Variants in SKAP1 observed in about 807,000 individuals in gnomAD.
SKAP1 encodes src kinase associated phosphoprotein 1.
In SKAP1, 44 loss-of-function variants were observed where a neutral mutation model predicts 58.5. The ratio of observed to expected loss-of-function variants is 0.75; its 90% confidence interval spans 0.59 to 0.97. SKAP1 has a LOEUF of 0.97. Ranked by LOEUF, SKAP1 falls within the 50% of genes least tolerant of loss-of-function variation. SKAP1 has a pLI of 0.00. For synonymous variants in SKAP1, 127 were observed against 149.7 expected (o/e 0.85, Z 1.11); for missense variants, 390 against 435.2 (o/e 0.90, Z 0.92).
chr17:48,318,882 C>T (rs1452694854), intron 4 of SKAP1, among the ~76,000 whole-genome samples: 5 of 152,096 alleles, frequency 3.3e-5, no homozygotes, highest in Non-Finnish European at 5.9e-5. Context: ...ACAATATTTG[C>T]TTTCTTAAAA....
intron 4 of SKAP1, among the ~76,000 whole-genome samples, chr17:48,247,222 C>T (rs16954324): frequency 0.084 from 12,833 of 152,202 alleles, 703 homozygotes; most frequent in East Asian, 0.18. Flanking sequence ...GAGACCAAAC[C>T]CTGCCTTCCT....
chr17:48,297,494 A>G (rs772051026), intron 4 of SKAP1, among the ~76,000 whole-genome samples: 3 of 152,248 alleles, frequency 2.0e-5, no homozygotes, highest in Non-Finnish European at 4.4e-5. Context: ...AGATAGTACA[A>G]AACTTCTAAA....
rs565367522 is a variant in SKAP1, at chr17:48,380,576, G to A, written c.152+16104C>T. Among the ~76,000 whole-genome samples, 5 of 152,278 alleles carry A rather than the reference G, an allele frequency of 3.3e-5. No homozygotes were observed. In the East Asian group the frequency reaches 7.7e-4, roughly 23 times the overall value. On this transcript the variant is annotated intron_variant, in intron 2 of 12. Coordinates refer to ENST00000336915, the MANE Select transcript of SKAP1 (RefSeq NM_003726.4). Reference sequence around the variant, plus strand: ...GTGAATTAGCATCTCCAGGGTAGGGGCCTAGAAATCTATATATTTTAACAA... The same window carrying A: ...GTGAATTAGCATCTCCAGGGTAGGGACCTAGAAATCTATATATTTTAACAA...
chr17:48,146,103 A>G (rs1290616795), intron 11 of SKAP1, among the ~76,000 whole-genome samples: 1 of 152,132 alleles, frequency 6.6e-6, no homozygotes, highest in Non-Finnish European at 1.5e-5. Flanking sequence ...CTCTATGGGA[A>G]AAAAATACAA....
At chr17:48,324,065 AC>A (rs778522874) in intron 4 of SKAP1, among the ~76,000 whole-genome samples, 11 of 152,088 alleles carry the variant, frequency 7.2e-5, no homozygotes, top group Non-Finnish European at 1.6e-4. Context: ...ACAACCAATG[AC>A]CTTTCATTTT....
intron 10 of SKAP1, among the ~76,000 whole-genome samples, chr17:48,163,596 G>T (rs2064098546): frequency 1.3e-5 from 2 of 152,156 alleles, no homozygotes; most frequent in Admixed American, 6.5e-5. Context: ...ATAGATGGGA[G>T]TCAGGAGTCC....
rs1393545166 is a variant in SKAP1, at chr17:48,403,198, A to AC, written c.47-6414dup. On this transcript the variant is annotated intron_variant, in intron 1 of 12. Transcript: ENST00000336915. ...GGGCAAAAATCAAGACCCTGTCTCTACAAAAAAAAAAAAAAAAAGTTTTTA... is the reference window on the plus strand; with the variant it reads ...GGGCAAAAATCAAGACCCTGTCTCTACCAAAAAAAAAAAAAAAAAGTTTTTA... Among the ~76,000 whole-genome samples the AC allele has an allele frequency of 4.2e-3, 541 of 127,740 alleles. 6 individuals are homozygous for AC. Among genetic ancestry groups the AC allele is most frequent in the African/African-American group, 0.015 (520 of 34,592 alleles). 83.8% of individuals were successfully genotyped at this position (127,740 alleles called of 152,430 possible).
At chr17:48,207,558 T>C (rs2143653158) in intron 4 of SKAP1, among the ~76,000 whole-genome samples, 1 of 152,262 alleles carries the variant, frequency 6.6e-6, no homozygotes, top group Admixed American at 6.5e-5. Flanking sequence ...AAGAATACTT[T>C]AATAATCTGT....
At chr17:48,269,504 A>G (rs2065599989) in intron 4 of SKAP1, among the ~76,000 whole-genome samples, 1 of 152,194 alleles carries the variant, frequency 6.6e-6, no homozygotes, top group African/African-American at 2.4e-5. Context: ...AACCTGCTAT[A>G]AGGTCATATT....
intron 4 of SKAP1, among the ~76,000 whole-genome samples, chr17:48,315,206 A>G (rs2066272546): frequency 6.6e-6 from 1 of 152,212 alleles, no homozygotes; most frequent in Non-Finnish European, 1.5e-5. Context: ...TTTAGGATTG[A>G]CAAAAACAGG....
At chr17:48,408,006 T>C (rs1318186360) in intron 1 of SKAP1, among the ~76,000 whole-genome samples, 1 of 152,016 alleles carries the variant, frequency 6.6e-6, no homozygotes, top group Non-Finnish European at 1.5e-5. Flanking sequence ...TATACAAAAA[T>C]TAGGCAGAGT....
chr17:48,155,782 G>A (rs866042616), intron 11 of SKAP1, among the ~76,000 whole-genome samples: 4 of 152,136 alleles, frequency 2.6e-5, no homozygotes, highest in South Asian at 4.1e-4. Flanking sequence ...GCTTGAACCC[G>A]GGAGGCAGAG....
At chr17:48,179,527 T>A (rs2143446044) in intron 9 of SKAP1, among the ~76,000 whole-genome samples, 1 of 152,358 alleles carries the variant, frequency 6.6e-6, no homozygotes, top group East Asian at 1.9e-4. Context: ...TTAAGAGATG[T>A]GATTTGATTC....
chr17:48,137,286 TCC>T lies in SKAP1; in HGVS notation c.1028_1029del (p.Gly343AspfsTer12). On this transcript the variant is annotated frameshift_variant, in exon 12 of 13. Transcript: ENST00000336915. LOFTEE classifies it high-confidence loss of function. ...GTGGTGAGATACTCCTTTGGAACAA[TCC>T]CAACGAGGCTGTTCAGTTCTCCCAC... ...WWVGELNSLV[G>X]IVPKEYLTTA... The T allele has an allele frequency of 6.2e-7, 1 of 1,613,878 alleles. No homozygotes were observed. The highest frequency in any genetic ancestry group is 8.5e-7 in the Non-Finnish European group (1 of 1,179,824).
chr17:48,406,641 C>T (rs2144567454), intron 1 of SKAP1, among the ~76,000 whole-genome samples: 1 of 152,158 alleles, frequency 6.6e-6, no homozygotes, highest in East Asian at 1.9e-4. Context: ...TCTCGGCTCA[C>T]TGCAACCTCC....
At chr17:48,213,033 G>C (rs865813126) in intron 4 of SKAP1, among the ~76,000 whole-genome samples, 8 of 152,222 alleles carry the variant, frequency 5.3e-5, no homozygotes, top group African/African-American at 1.7e-4. Context: ...AAGAGTGGGT[G>C]CCTCAGCAGA....
intron 3 of SKAP1, among the ~76,000 whole-genome samples, chr17:48,363,192 G>C (rs2066957930): frequency 6.6e-6 from 1 of 151,972 alleles, no homozygotes; most frequent in African/African-American, 2.4e-5. Context: ...GTACTTTTTA[G>C]AATCATGCCA....
Position 48,239,850 on chromosome 17 carries a change from C to CAGAGAGAG in SKAP1, c.281-50358_281-50351dup, listed in dbSNP as rs71141976. On this transcript the variant is annotated intron_variant, in intron 4 of 12. Coordinates refer to ENST00000336915, the MANE Select transcript of SKAP1 (RefSeq NM_003726.4). ...AGAATGAGAGAGAGAGAGAGAGAGA[C>CAGAGAGAG]AGAGAGAGAGAGAGAGAGAGAGAGA... 4.7e-3 allele frequency among the ~76,000 whole-genome samples: 613 copies of CAGAGAGAG among 129,824 alleles called. 12 individuals are homozygous for CAGAGAGAG. Among genetic ancestry groups the CAGAGAGAG allele is most frequent in the East Asian group, 0.024 (108 of 4,494 alleles). The allele number at this position is 129,824 out of a possible 152,430, so 85.2% of individuals were successfully genotyped here.
rs55958821 is a variant in SKAP1, at chr17:48,198,454, CAAAAAA to C, written c.281-8960_281-8955del. 3.8e-4 allele frequency among the ~76,000 whole-genome samples: 19 copies of C among 49,962 alleles called. 1 individual carries two copies. In the South Asian group the frequency reaches 8.6e-3, roughly 23 times the overall value. 32.8% of individuals were successfully genotyped at this position (49,962 alleles called of 152,430 possible). A position where few individuals can be genotyped will look rare whatever the true frequency, so the allele number is the denominator to read the frequency against. Reference sequence around the variant, plus strand: ...TGGGAGACACAGCGAGACTCCGTCTCAAAAAAAAAAAAAAAAAAAAAAAAGAATGGG... The same window carrying C: ...TGGGAGACACAGCGAGACTCCGTCTCAAAAAAAAAAAAAAAAAAGAATGGG... On this transcript the variant is annotated intron_variant, in intron 4 of 12. Coordinates refer to ENST00000336915, the MANE Select transcript of SKAP1 (RefSeq NM_003726.4).
Sources: allele counts gnomAD v4.1 joint callset (sites outside exome capture counted in the v4.1 genomes callset), GRCh38; gene constraint gnomAD v4.1.1; transcripts MANE v1.5; gene names NCBI Gene and HGNC (gene_info 2026-07-23, HGNC 2026-07-21).